Variants in CFAP54 observed in about 807,000 individuals in gnomAD.
The protein encoded by CFAP54 is cilia- and flagella-associated protein 54.
In CFAP54, 290 loss-of-function variants were observed where a neutral mutation model predicts 370.4. The ratio of observed to expected loss-of-function variants is 0.78; its 90% CI spans 0.71 to 0.86. The LOEUF (loss-of-function observed/expected upper bound fraction) is 0.86. Among genes scored for constraint, CFAP54 ranks in the 40% least tolerant of loss-of-function variants. The probability of loss-of-function intolerance (pLI) is 0.00; values close to 1 mark genes in which losing one functional copy is unlikely to be tolerated. For missense variants in CFAP54, 3,399 were observed against 3,528.7 expected (o/e 0.96, Z 0.93); for synonymous variants, 1,206 against 1,236.5 (o/e 0.98, Z 0.52).
intron 47 of CFAP54, among the ~76,000 whole-genome samples, 194 bp downstream of exon 47, chr12:96,704,990 A>G (rs191185878): frequency 5.9e-5 from 9 of 152,288 alleles, no homozygotes; most frequent in East Asian, 3.9e-4. Context: ...CCTGTCACTA[A>G]TGGAATGATT....
At chr12:96,640,382 C>G (rs1322805390) in intron 32 of CFAP54, among the ~76,000 whole-genome samples, 1 of 152,072 alleles carries the variant, frequency 6.6e-6, no homozygotes, top group Non-Finnish European at 1.5e-5. Context: ...TGTGAAGGAC[C>G]TCTTCAAGGA....
chr12:96,648,074 C>T, intron 34 of CFAP54, 57 bp downstream of exon 34: 1 of 1,303,676 alleles, frequency 7.7e-7, no homozygotes, highest in Non-Finnish European at 1.0e-6. Flanking sequence ...ATTCACTAAA[C>T]AACACAGCAC....
chr12:96,765,850 A>G (rs1431017791), intron 60 of CFAP54, among the ~76,000 whole-genome samples: 1 of 152,258 alleles, frequency 6.6e-6, no homozygotes, highest in Non-Finnish European at 1.5e-5. Flanking sequence ...ACTATAATAT[A>G]AACCTCTATA....
At chr12:96,810,956 C>T (rs890121689) in intron 63 of CFAP54, among the ~76,000 whole-genome samples, 1 of 152,038 alleles carries the variant, frequency 6.6e-6, no homozygotes, top group Non-Finnish European at 1.5e-5. Flanking sequence ...TGAGAGAGCC[C>T]CTACCTGTGC....
chr12:96,652,981 A>G (rs1315992185), intron 36 of CFAP54, among the ~76,000 whole-genome samples: 2 of 152,224 alleles, frequency 1.3e-5, no homozygotes, highest in African/African-American at 4.8e-5. Flanking sequence ...GAAAAATTCA[A>G]AATACATTCT....
At chr12:96,792,523 C>A in intron 63 of CFAP54, 24 bp downstream of exon 63, 1 of 1,486,602 alleles carries the variant, frequency 6.7e-7, no homozygotes, top group South Asian at 1.3e-5. Flanking sequence ...TTATAGAACT[C>A]AATATTTCAT....
intron 34 of CFAP54, among the ~76,000 whole-genome samples, chr12:96,648,804 G>C (rs1335200889): frequency 6.6e-6 from 1 of 151,944 alleles, no homozygotes; most frequent in African/African-American, 2.4e-5. Context: ...TGGCCAGGCT[G>C]GTCTCCAACT....
chr12:96,501,122 G>T, intron 2 of CFAP54, 183 bp downstream of exon 2: 1 of 474,240 alleles, frequency 2.1e-6, no homozygotes. Flanking sequence ...TAATTTTGTA[G>T]TTGAGATTTC....
intron 26 of CFAP54, among the ~76,000 whole-genome samples, chr12:96,604,661 A>T (rs186761403): frequency 7.9e-5 from 12 of 152,264 alleles, no homozygotes; most frequent in Admixed American, 7.8e-4. Flanking sequence ...GCATAGAACC[A>T]CCTACTCAAG....
chr12:96,857,936 A>G (rs1165837518), intron 66 of CFAP54, among the ~76,000 whole-genome samples: 1 of 152,134 alleles, frequency 6.6e-6, no homozygotes, highest in Non-Finnish European at 1.5e-5. Flanking sequence ...CGTCTTTGCT[A>G]TTGTGAATAG....
chr12:96,494,394 G>C (rs914052277), intron 1 of CFAP54, among the ~76,000 whole-genome samples: 15 of 152,158 alleles, frequency 9.9e-5, no homozygotes, highest in Middle Eastern at 3.4e-3. Flanking sequence ...TCCGCCTCCG[G>C]AGTTCAAGTG....
chr12:96,618,587 G>A (rs1956449039), intron 26 of CFAP54, among the ~76,000 whole-genome samples: 1 of 143,658 alleles, frequency 7.0e-6, no homozygotes, highest in South Asian at 2.3e-4. Context: ...GATGGGTAAG[G>A]GTGGGTTTCA....
At chr12:96,490,648 C>T (rs537655299) in intron 1 of CFAP54, among the ~76,000 whole-genome samples, 1 of 151,894 alleles carries the variant, frequency 6.6e-6, no homozygotes, top group Non-Finnish European at 1.5e-5. Flanking sequence ...GCTGGGATCG[C>T]GCCACTACAC....
intron 20 of CFAP54, among the ~76,000 whole-genome samples, chr12:96,578,932 A>G (rs892697563): frequency 2.0e-5 from 3 of 152,178 alleles, no homozygotes; most frequent in African/African-American, 7.2e-5. Context: ...CTAATTACAC[A>G]TTGTTTCTTA....
intron 67 of CFAP54, among the ~76,000 whole-genome samples, chr12:96,866,169 A>G (rs909907649): frequency 1.3e-5 from 2 of 151,828 alleles, no homozygotes; most frequent in South Asian, 2.1e-4. Flanking sequence ...ACTAACACTC[A>G]TTTTCTATTT....
At chr12:96,617,097 C>G (rs887658633) in intron 26 of CFAP54, among the ~76,000 whole-genome samples, 10 of 152,164 alleles carry the variant, frequency 6.6e-5, no homozygotes, top group African/African-American at 2.4e-4. Context: ...TAATATTCAG[C>G]TACCTGGTCT....
chr12:96,504,393 T>A (rs1279852747), intron 3 of CFAP54, among the ~76,000 whole-genome samples: 1 of 151,588 alleles, frequency 6.6e-6, no homozygotes, highest in African/African-American at 2.4e-5. Flanking sequence ...TATCACATAG[T>A]ATAAAAAAGC....
At chr12:96,789,266 A>C (rs1958660216) in intron 62 of CFAP54, among the ~76,000 whole-genome samples, 1 of 152,206 alleles carries the variant, frequency 6.6e-6, no homozygotes, top group African/African-American at 2.4e-5. Context: ...CAGATTCAGC[A>C]ATCGAGTAAC....
At position 96,576,578 on chromosome 12, in the gene CFAP54, A is replaced by G; in HGVS notation, c.2620-7A>G. The G allele has an allele frequency of 6.6e-7, 1 of 1,503,822 alleles. No homozygotes were observed. Among genetic ancestry groups the G allele is most frequent in the Non-Finnish European group, 8.9e-7 (1 of 1,126,402 alleles). 93.2% of individuals were successfully genotyped at this position (1,503,822 alleles called of 1,614,324 possible). ...ATATATTTTTCTATTTTCATATTTC[A>G]TTATAGGAAGCATATTCCTTAATTC... On this transcript the variant is annotated splice_polypyrimidine_tract_variant and splice_region_variant and intron_variant, in intron 19 of 67. Coordinates refer to ENST00000524981, the MANE Select transcript of CFAP54 (RefSeq NM_001306084.2).
Sources: gnomAD v4.1 joint callset for allele counts (sites outside exome capture counted in the v4.1 genomes callset) on GRCh38, gnomAD v4.1.1 for gene constraint, MANE v1.5 for transcripts, NCBI Gene and HGNC (gene_info 2026-07-23, HGNC 2026-07-21) for gene names.